PRR16: variants seen among roughly 807,000 people sequenced by gnomAD.
PRR16 encodes the protein protein Largen.
Under a neutral mutation model 18.2 loss-of-function variants are expected in PRR16, and 6 were observed. That is an observed-to-expected ratio of 0.33 (90% CI 0.18 to 0.65). PRR16 has a LOEUF of 0.65. Among genes scored for constraint, PRR16 ranks in the 30% least tolerant of loss-of-function variants. The probability of loss-of-function intolerance (pLI) is 0.74; values close to 1 mark genes in which losing one functional copy is unlikely to be tolerated. For synonymous variants in PRR16, 151 were observed against 147.8 expected, an observed-to-expected ratio of 1.02 and a Z score of -0.16; for missense variants, 412 against 376.6, an observed-to-expected ratio of 1.09 and a Z score of -0.78.
At chr5:120,737,628 G>GAA in the PRR16 span, among the ~76,000 whole-genome samples, 3 of 149,808 alleles carry the variant, frequency 2.0e-5, no homozygotes, top group East Asian at 5.8e-4. Context: ...CCCTCTCTTA[G>GAA]TTTTTTCTTT....
At chr5:120,608,603 A>G (rs1262434076) in intron 1 of PRR16, among the ~76,000 whole-genome samples, 2 of 152,216 alleles carry the variant, frequency 1.3e-5, no homozygotes, top group Non-Finnish European at 2.9e-5. Context: ...GTGACTTAAT[A>G]TACCAAATAA....
chr5:120,670,664 T>A (rs928858863), intron 1 of PRR16, among the ~76,000 whole-genome samples: 3 of 152,084 alleles, frequency 2.0e-5, no homozygotes, highest in Non-Finnish European at 4.4e-5. Context: ...GAAAGGAATA[T>A]CATAATGCTT....
the PRR16 span, among the ~76,000 whole-genome samples, chr5:120,734,262 A>G: frequency 6.6e-6 from 1 of 152,200 alleles, no homozygotes; most frequent in African/African-American, 2.4e-5. Context: ...AAGTAGCTGA[A>G]GAACAAAAAC....
chr5:120,617,322 C>A (rs946118000), intron 1 of PRR16: 33 of 271,206 alleles, frequency 1.2e-4, no homozygotes, highest in East Asian at 1.8e-4. Context: ...ACAATCAGGT[C>A]TCTTTGAATA....
chr5:120,488,514 T>C (rs185381105), intron 1 of PRR16, among the ~76,000 whole-genome samples: 84 of 152,312 alleles, frequency 5.5e-4, no homozygotes, highest in African/African-American at 1.8e-3. Flanking sequence ...TCATTTTTTA[T>C]TGTGTCTATT....
chr5:120,751,644 A>T, the PRR16 span, among the ~76,000 whole-genome samples: 1 of 152,092 alleles, frequency 6.6e-6, no homozygotes, highest in Non-Finnish European at 1.5e-5. Context: ...TAATAAGTAA[A>T]ATATTTTTAT....
chr5:120,757,626 A>C, the PRR16 span, among the ~76,000 whole-genome samples: 3 of 152,038 alleles, frequency 2.0e-5, no homozygotes, highest in African/African-American at 7.2e-5. Context: ...GATTATAAAT[A>C]CTCCTTGACA....
chr5:120,588,462 A>G (rs968304744), intron 1 of PRR16, among the ~76,000 whole-genome samples: 1 of 152,210 alleles, frequency 6.6e-6, no homozygotes, highest in African/African-American at 2.4e-5. Context: ...CACCCTGATT[A>G]TTCAGCAGCT....
At chr5:120,587,379 A>C (rs977580068) in intron 1 of PRR16, among the ~76,000 whole-genome samples, 4 of 152,208 alleles carry the variant, frequency 2.6e-5, no homozygotes, top group Non-Finnish European at 4.4e-5. Context: ...GATGCCACCT[A>C]GGACTTTCAT....
rs561763401 is a variant in PRR16, at chr5:120,464,861, T to G, written c.159+216T>G. Among the ~76,000 whole-genome samples the G allele has an allele frequency of 6.2e-4, 95 of 152,170 alleles. No individual in the cohort carries two copies. The South Asian group carries it at 7.3e-3, about 12-fold the overall frequency. ...TAATCAGGAAGAAATCAACTAGTGT[T>G]TTAATCGATGGACCTGGGCTGGTGG... On this transcript the variant is annotated intron_variant, in intron 1 of 1. Coordinates refer to ENST00000407149, the MANE Select transcript of PRR16 (RefSeq NM_001300783.2).
chr5:120,680,873 C>A (rs757448909), intron 1 of PRR16, among the ~76,000 whole-genome samples: 2 of 152,064 alleles, frequency 1.3e-5, no homozygotes, highest in Non-Finnish European at 2.9e-5. Context: ...TTTTTCCACT[C>A]GTGTGTGTGT....
At chr5:120,536,452 A>G (rs745795444) in intron 1 of PRR16, among the ~76,000 whole-genome samples, 10 of 152,204 alleles carry the variant, frequency 6.6e-5, no homozygotes, top group Non-Finnish European at 1.3e-4. Flanking sequence ...CCAGTTAAAT[A>G]TTTGACACTA....
chr5:120,778,648 T>A, the PRR16 span, among the ~76,000 whole-genome samples: 14,606 of 152,220 alleles, frequency 0.096, 888 homozygotes, highest in African/African-American at 0.17. Context: ...TTCAGCAGAT[T>A]AGTCATGGCT....
At chr5:120,694,509 C>A in the PRR16 span, among the ~76,000 whole-genome samples, 1 of 151,750 alleles carries the variant, frequency 6.6e-6, no homozygotes, top group Non-Finnish European at 1.5e-5. Context: ...ACGGTGAAAC[C>A]CCGTCTGTAC....
intron 1 of PRR16, among the ~76,000 whole-genome samples, chr5:120,665,870 A>G (rs1044562005): frequency 2.0e-5 from 3 of 152,090 alleles, no homozygotes; most frequent in African/African-American, 4.8e-5. Flanking sequence ...GCCTTGTAGT[A>G]TAGTTTGAAG....
chr5:120,666,892 T>C (rs555870340), intron 1 of PRR16, among the ~76,000 whole-genome samples: 109 of 147,162 alleles, frequency 7.4e-4, no homozygotes, highest in African/African-American at 2.7e-3. Context: ...TGCATCAATG[T>C]TCATCAAGGA....
the PRR16 span, among the ~76,000 whole-genome samples, chr5:120,779,525 C>T: frequency 6.6e-6 from 1 of 152,150 alleles, no homozygotes; most frequent in East Asian, 1.9e-4. Flanking sequence ...TCCCCCACTT[C>T]CTCAGATGAT....
At chr5:120,770,854 G>T in the PRR16 span, among the ~76,000 whole-genome samples, 5 of 150,860 alleles carry the variant, frequency 3.3e-5, no homozygotes, top group Admixed American at 2.0e-4. Context: ...TCATCTTTTT[G>T]CAAGGACATA....
intron 1 of PRR16, among the ~76,000 whole-genome samples, chr5:120,638,019 G>A (rs754861996): frequency 2.0e-5 from 3 of 152,096 alleles, no homozygotes; most frequent in Non-Finnish European, 2.9e-5. Context: ...TATTTACTTA[G>A]TGAAATACCT....
Sources: gnomAD v4.1 joint callset for allele counts (sites outside exome capture counted in the v4.1 genomes callset) on GRCh38, gnomAD v4.1.1 for gene constraint, MANE v1.5 for transcripts, NCBI Gene and HGNC (gene_info 2026-07-23, HGNC 2026-07-21) for gene names.